Variants in DNAH12 observed in about 807,000 individuals in gnomAD.
DNAH12 encodes dynein axonemal heavy chain 12.
DNAH12 carries 285 observed loss-of-function variants against 371.5 expected under a neutral mutation model. The ratio of observed to expected loss-of-function variants is 0.77; its 90% CI spans 0.70 to 0.85. DNAH12 has a LOEUF of 0.85. DNAH12 is among the 40% of genes least tolerant of loss of function. DNAH12 has a pLI of 0.00. For missense variants in DNAH12, 3,611 were observed against 3,689.4 expected (o/e 0.98, Z 0.55); for synonymous variants, 1,200 against 1,213.0 (o/e 0.99, Z 0.22).
intron 49 of DNAH12, among the ~76,000 whole-genome samples, chr3:57,382,764 T>C (rs2063421077): frequency 1.3e-5 from 2 of 152,186 alleles, no homozygotes; most frequent in South Asian, 4.1e-4. Context: ...TTTGCTTATA[T>C]ATATTAGTTC....
chr3:57,451,263 T>G (rs2065747908), intron 25 of DNAH12, among the ~76,000 whole-genome samples: 1 of 152,260 alleles, frequency 6.6e-6, no homozygotes, highest in Admixed American at 6.5e-5. Context: ...TACTTCTTGA[T>G]GCTCCTTCTC....
intron 16 of DNAH12, 34 bp downstream of exon 16, chr3:57,470,409 T>C (rs2066332523): frequency 6.8e-7 from 1 of 1,479,434 alleles, no homozygotes; most frequent in African/African-American, 1.4e-5. Context: ...TTTTCTATCA[T>C]TTGCTTGATT....
At chr3:57,324,103 G>A (rs761941652) in intron 62 of DNAH12, among the ~76,000 whole-genome samples, 24 of 152,246 alleles carry the variant, frequency 1.6e-4, no homozygotes, top group Admixed American at 5.2e-4. Flanking sequence ...TCAACATAGC[G>A]TTCACAAGCC....
At chr3:57,507,942 A>G in intron 7 of DNAH12, 104 bp from the exon 8 acceptor site, 1 of 1,028,588 alleles carries the variant, frequency 9.7e-7, no homozygotes, top group East Asian at 2.7e-5. Context: ...TAATCTCAGC[A>G]CTTTGGGAGG....
intron 53 of DNAH12, among the ~76,000 whole-genome samples, chr3:57,376,488 C>T (rs1559598475): frequency 6.6e-6 from 1 of 152,068 alleles, no homozygotes; most frequent in Non-Finnish European, 1.5e-5. Flanking sequence ...TTGTCAAAGA[C>T]ACATTGTTAC....
chr3:57,464,688 G>A (rs1238078814), intron 17 of DNAH12, among the ~76,000 whole-genome samples: 1 of 152,192 alleles, frequency 6.6e-6, no homozygotes, highest in Non-Finnish European at 1.5e-5. Flanking sequence ...ACAGGGATAT[G>A]TGAGCTCTCT....
intron 66 of DNAH12, among the ~76,000 whole-genome samples, chr3:57,312,076 A>C (rs957836341): frequency 8.5e-5 from 13 of 152,280 alleles, no homozygotes; most frequent in Admixed American, 8.5e-4. Flanking sequence ...GGATGGTATA[A>C]GTTGTGGGTT....
chr3:57,470,940 C>T (rs2066347252), intron 15 of DNAH12, among the ~76,000 whole-genome samples: 1 of 151,796 alleles, frequency 6.6e-6, no homozygotes, highest in Non-Finnish European at 1.5e-5. Context: ...CTCCTGACCT[C>T]AGGTGATCTG....
intron 30 of DNAH12, among the ~76,000 whole-genome samples, chr3:57,436,101 G>GA (rs1488244843): frequency 6.6e-6 from 1 of 151,804 alleles, no homozygotes; most frequent in Non-Finnish European, 1.5e-5. Flanking sequence ...AATTAAACTG[G>GA]AAAGCCCCTC....
At chr3:57,303,135 C>T (rs979535010) in intron 69 of DNAH12, among the ~76,000 whole-genome samples, 3 of 151,288 alleles carry the variant, frequency 2.0e-5, no homozygotes, top group African/African-American at 4.8e-5. Flanking sequence ...GTCAGGAGAT[C>T]GAGACCATCC....
At chr3:57,389,961 G>A (rs888856906) in intron 45 of DNAH12, among the ~76,000 whole-genome samples, 7 of 149,514 alleles carry the variant, frequency 4.7e-5, no homozygotes, top group East Asian at 2.1e-4. Context: ...TCAGCCTCCC[G>A]AGTAGCTGGG....
chr3:57,299,037 G>A (rs1202021322), intron 70 of DNAH12, among the ~76,000 whole-genome samples: 1 of 152,170 alleles, frequency 6.6e-6, no homozygotes, highest in Non-Finnish European at 1.5e-5. Flanking sequence ...TCCATAGGAG[G>A]AAGAGAACAA....
chr3:57,453,642 CG>C (rs2065822436), intron 23 of DNAH12, among the ~76,000 whole-genome samples: 1 of 150,726 alleles, frequency 6.6e-6, no homozygotes, highest in Non-Finnish European at 1.5e-5. Context: ...GGTGGGATCT[CG>C]GCTCACTACA....
chr3:57,356,063 C>G (rs1238286833), intron 59 of DNAH12, among the ~76,000 whole-genome samples: 1 of 152,138 alleles, frequency 6.6e-6, no homozygotes, highest in African/African-American at 2.4e-5. Flanking sequence ...TGTGGCAGAA[C>G]TGAGGTGTAA....
At chr3:57,477,366 G>T (rs1445669448) in intron 13 of DNAH12, among the ~76,000 whole-genome samples, 1 of 152,106 alleles carries the variant, frequency 6.6e-6, no homozygotes, top group Admixed American at 6.5e-5. Flanking sequence ...AGGCAGCAGA[G>T]AGGCTGGGGG....
In DNAH12 at chr3:57,296,886, T is replaced by A. The variant is rs758539842; in HGVS notation, c.11493A>T (p.Lys3831Asn). 6.4e-7 allele frequency: 1 copy of A among 1,551,664 alleles called. No individual in the cohort carries two copies. Among genetic ancestry groups the A allele is most frequent in the South Asian group, 1.2e-5 (1 of 84,058 alleles). ...LTGAMQNYAR[K>N]YTTPIDLLGY... ...CTAGCAAATCAATAGGGGTGGTATA[T>A]TTTCTGGCATAATTCTGCATAGCTC... Residue 3831 changes from lysine (K) to asparagine (N), a missense_variant, in exon 71 of 74, where the codon AAA becomes AAT. Lys to Asn is a moderately conservative substitution (Grantham distance 94). This residue lies in a region of DNAH12 where 2,266 missense variants were observed against 2,236.9 expected (regional missense o/e 1.01). Coordinates refer to ENST00000495027, the MANE Select transcript of DNAH12 (RefSeq NM_001366028.2).
chr3:57,310,638 C>T lies in DNAH12; in HGVS notation c.10896+79G>A, dbSNP rs763490381. ...ACCATAATATTTGTCTAAACCTATA[C>T]ATTAGAGAAGAACATTTCACCATTT... On this transcript the variant is annotated intron_variant, in intron 67 of 73. Coordinates refer to ENST00000495027, the MANE Select transcript of DNAH12 (RefSeq NM_001366028.2). 3.6e-5 allele frequency: 35 copies of T among 965,466 alleles called. No individual in the cohort carries two copies. The Middle Eastern group carries it at 6.5e-4, about 18-fold the overall frequency. 59.8% of individuals were successfully genotyped at this position (965,466 alleles called of 1,614,324 possible). A position where few individuals can be genotyped will look rare whatever the true frequency, so the allele number is the denominator to read the frequency against.
chr3:57,369,785 A>G (rs1356424259), intron 55 of DNAH12, among the ~76,000 whole-genome samples: 1 of 152,178 alleles, frequency 6.6e-6, no homozygotes, highest in African/African-American at 2.4e-5. Context: ...GGAAAAATAC[A>G]GTAAGTGTTC....
At chr3:57,403,705 T>C (rs2063939716) in intron 42 of DNAH12, among the ~76,000 whole-genome samples, 1 of 152,118 alleles carries the variant, frequency 6.6e-6, no homozygotes, top group Non-Finnish European at 1.5e-5. Context: ...GGAAAACTAA[T>C]TAAAAGTTCA....
Sources: allele counts gnomAD v4.1 joint callset (sites outside exome capture counted in the v4.1 genomes callset), GRCh38; gene constraint gnomAD v4.1.1; regional missense constraint gnomAD v4.1.1; transcripts MANE v1.5; gene names NCBI Gene and HGNC (gene_info 2026-07-23, HGNC 2026-07-21).